The following STX5 variants were observed in gnomAD, a reference collection of about 807,000 sequenced individuals.
STX5 encodes syntaxin 5.
In STX5, 15 loss-of-function variants were observed where a neutral mutation model predicts 42.9. The observed-to-expected ratio is 0.35, with a 90% CI of 0.23 to 0.54. The LOEUF is 0.54. STX5 is among the 20% of genes least tolerant of loss of function. The pLI, the probability that STX5 is intolerant of heterozygous loss-of-function variation, is 0.91. For synonymous variants in STX5, 184 were observed against 173.2 expected (o/e 1.06, Z -0.49); for missense variants, 430 against 455.0 (o/e 0.95, Z 0.50).
In STX5 at chr11:62,825,462, G is replaced by A. The variant is rs1240120819; in HGVS notation, c.501C>T (p.His167=). 6.2e-7 allele frequency: 1 copy of A among 1,613,930 alleles called. No individual in the cohort carries two copies. Among genetic ancestry groups the A allele is most frequent in the Non-Finnish European group, 8.5e-7 (1 of 1,180,040 alleles). The stretch of plus-strand genomic sequence containing the variant: ...CAATGGTGTTGGAGTGGGTCTGCAG[G>A]TGCCGGCCACTCTGGCTGCCCTTGG... ...VRAKGSQSGR[H]LQTHSNTIVV... Residue 167 remains histidine (H), a synonymous_variant, in exon 6 of 11, where the codon CAC becomes CAT. Transcript: ENST00000294179.
At chr11:62,831,461 C>T (rs186059000) in intron 1 of STX5, among the ~76,000 whole-genome samples, 199 bp from the exon 2 acceptor site, 1 of 152,220 alleles carries the variant, frequency 6.6e-6, no homozygotes, top group African/African-American at 2.4e-5. Flanking sequence ...CCGCTTCAGA[C>T]TCTTCTTCCA....
intron 10 of STX5, among the ~76,000 whole-genome samples, chr11:62,815,612 C>T (rs1244786600): frequency 6.6e-6 from 1 of 151,508 alleles, no homozygotes; most frequent in Admixed American, 6.6e-5. Context: ...TCTCGGCTCA[C>T]TGCAACCTCT....
At chr11:62,821,719 T>A (rs1458746551) in intron 10 of STX5, among the ~76,000 whole-genome samples, 3 of 150,014 alleles carry the variant, frequency 2.0e-5, no homozygotes, top group Non-Finnish European at 4.4e-5. Flanking sequence ...ACCTCAAAAG[T>A]AAATAAATAA....
intron 10 of STX5, among the ~76,000 whole-genome samples, chr11:62,817,116 C>T (rs1712789928): frequency 6.6e-6 from 1 of 151,770 alleles, no homozygotes; most frequent in Admixed American, 6.6e-5. Context: ...TTAGTGGAGA[C>T]GGGGTTTCAC....
intron 10 of STX5, among the ~76,000 whole-genome samples, chr11:62,815,085 G>A (rs944198968): frequency 1.3e-5 from 2 of 151,156 alleles, no homozygotes; most frequent in African/African-American, 2.4e-5. Flanking sequence ...TCGGCTCACT[G>A]AAACCTACAC....
At chr11:62,818,985 C>T (rs943987769) in intron 10 of STX5, among the ~76,000 whole-genome samples, 2 of 151,502 alleles carry the variant, frequency 1.3e-5, no homozygotes, top group African/African-American at 4.8e-5. Context: ...TTTGGGAGGC[C>T]GAGGCAGGTG....
At chr11:62,816,543 A>G (rs1403400956) in intron 10 of STX5, among the ~76,000 whole-genome samples, 1 of 152,100 alleles carries the variant, frequency 6.6e-6, no homozygotes, top group Non-Finnish European at 1.5e-5. Flanking sequence ...GAACTCCCAG[A>G]GCACTAGGAT....
chr11:62,813,733 A>C (rs561895817), intron 10 of STX5, among the ~76,000 whole-genome samples: 3 of 152,174 alleles, frequency 2.0e-5, no homozygotes, highest in Non-Finnish European at 4.4e-5. Context: ...AACCTCCTAC[A>C]CCTCCTCTCC....
intron 5 of STX5, 92 bp downstream of exon 5, chr11:62,827,063 C>T (rs990459938): frequency 2.4e-6 from 3 of 1,253,628 alleles, no homozygotes; most frequent in Non-Finnish European, 3.4e-6. Flanking sequence ...AAAAAAGAAA[C>T]TTGCTCTGGG....
intron 10 of STX5, among the ~76,000 whole-genome samples, chr11:62,814,322 C>T (rs1484335105): frequency 2.0e-5 from 3 of 152,096 alleles, no homozygotes; most frequent in East Asian, 1.9e-4. Flanking sequence ...TGCACCACCA[C>T]GCCCTAATTT....
intron 10 of STX5, among the ~76,000 whole-genome samples, chr11:62,822,480 CT>C (rs200286891): frequency 0.011 from 1,629 of 152,300 alleles, 26 homozygotes; most frequent in Non-Finnish European, 0.018. Flanking sequence ...TTGTACAACT[CT>C]CTTCCTCATT....
chr11:62,817,641 TGAG>T (rs755122240), intron 10 of STX5, among the ~76,000 whole-genome samples: 8 of 152,124 alleles, frequency 5.3e-5, no homozygotes, highest in Non-Finnish European at 1.0e-4. Context: ...ATCCAGATGA[TGAG>T]AATTAAATTT....
In STX5 at chr11:62,819,220, G is replaced by GAAAAAAAAAA. The variant is rs57390432; in HGVS notation, c.908+4936_908+4945dup. Among the ~76,000 whole-genome samples the GAAAAAAAAAA allele has an allele frequency of 3.0e-4, 9 of 29,642 alleles. 1 individual carries two copies. The East Asian group carries it at 8.6e-3, about 28-fold the overall frequency. 19.4% of individuals were successfully genotyped at this position (29,642 alleles called of 152,430 possible). A position where few individuals can be genotyped will look rare whatever the true frequency, so the allele number is the denominator to read the frequency against. ...TGGGCAACAGAGTGAGACTCTGTCTGAAAAAAAAAAAAAAAAAAAAAAAAA... is the reference window on the plus strand; with the variant it reads ...TGGGCAACAGAGTGAGACTCTGTCTGAAAAAAAAAAAAAAAAAAAAAAAAAAAAAAAAAAA... On this transcript the variant is annotated intron_variant, in intron 10 of 10. Coordinates refer to ENST00000294179, the MANE Select transcript of STX5 (RefSeq NM_003164.5).
At chr11:62,824,690 CCTCT>C (rs1368009754) in intron 8 of STX5, 125 bp from the exon 9 acceptor site, 4 of 821,112 alleles carry the variant, frequency 4.9e-6, no homozygotes, top group Non-Finnish European at 5.9e-6. Context: ...GGTCATTTAA[CCTCT>C]CTGAGCCTCA....
At position 62,807,543 on chromosome 11, in the gene STX5, TGGA is replaced by T. The variant is rs2084565877; in HGVS notation, c.991_993del (p.Ser331del). On this transcript the variant is annotated inframe_deletion, in exon 11 of 11. Transcript: ENST00000294179. ...AAGATTTTGACCATGAGCCACCGGT[TGGA>T]GGTGACAGACTGGAAGTACTTGAGG... The T allele has an allele frequency of 6.2e-7, 1 of 1,614,002 alleles. No individual in the cohort carries two copies.
At chr11:62,810,384 G>A (rs1590961703) in intron 10 of STX5, among the ~76,000 whole-genome samples, 1 of 152,150 alleles carries the variant, frequency 6.6e-6, no homozygotes, top group East Asian at 1.9e-4. Flanking sequence ...TGAGGCTGCA[G>A]TGAGCCATTA....
chr11:62,822,293 G>A (rs183266054), intron 10 of STX5, among the ~76,000 whole-genome samples: 2 of 152,200 alleles, frequency 1.3e-5, no homozygotes, highest in East Asian at 3.9e-4. Context: ...AACCTAGGAG[G>A]TGGAGGTTGC....
At chr11:62,814,970 A>G (rs1306453641) in intron 10 of STX5, among the ~76,000 whole-genome samples, 2 of 151,948 alleles carry the variant, frequency 1.3e-5, no homozygotes, top group Non-Finnish European at 2.9e-5. Flanking sequence ...TGGATATCAC[A>G]TATTAGGAAA....
intron 10 of STX5, among the ~76,000 whole-genome samples, chr11:62,810,782 A>C (rs1247888202): frequency 6.6e-6 from 1 of 152,254 alleles, no homozygotes; most frequent in East Asian, 1.9e-4. Context: ...GGGAGGAAGC[A>C]TATGAATGTC....
Sources: gnomAD v4.1 joint callset for allele counts (sites outside exome capture counted in the v4.1 genomes callset) on GRCh38, gnomAD v4.1.1 for gene constraint, MANE v1.5 for transcripts, NCBI Gene and HGNC (gene_info 2026-07-23, HGNC 2026-07-21) for gene names.